ALPK3: variants seen among roughly 807,000 people sequenced by gnomAD.
ALPK3 encodes the protein alpha-protein kinase 3.
A neutral mutation model predicts 140.0 loss-of-function variants in ALPK3; 102 were observed. The ratio of observed to expected loss-of-function variants is 0.73; its 90% CI spans 0.62 to 0.86. The LOEUF is 0.86. Ranked by LOEUF, ALPK3 falls within the 40% of genes least tolerant of loss-of-function variation. ALPK3 has a pLI of 0.00. For synonymous variants in ALPK3, 938 were observed against 898.5 expected, an observed-to-expected ratio of 1.04 and a Z score of -0.79; for missense variants, 2,254 against 2,208.2, an observed-to-expected ratio of 1.02 and a Z score of -0.42.
chr15:84,855,334 A>G (rs914932356), intron 5 of ALPK3, among the ~76,000 whole-genome samples: 3 of 152,084 alleles, frequency 2.0e-5, no homozygotes, highest in African/African-American at 7.2e-5. Flanking sequence ...TTATTTCCCC[A>G]TATCACTTTG....
chr15:84,823,036 ACC>A (rs1306385727), intron 1 of ALPK3, among the ~76,000 whole-genome samples: 1 of 152,200 alleles, frequency 6.6e-6, no homozygotes, highest in Admixed American at 6.5e-5. Flanking sequence ...GGGGGCAGTG[ACC>A]CAAATGCCTG....
In ALPK3 at chr15:84,872,569, G is replaced by A. The variant is rs1284748823; in HGVS notation, c.*4113G>A. The stretch of plus-strand genomic sequence containing the variant: ...TTGCATGGAATTAGGCCTTAGTGGC[G>A]AGGGATTCGACATACAGTCATTTGT... On this transcript the variant is annotated 3_prime_UTR_variant, in exon 14 of 14. Transcript: ENST00000258888. 2.0e-5 allele frequency: 3 copies of A among 152,232 alleles called. No homozygotes were observed. The highest frequency in any genetic ancestry group is 6.5e-5 in the Admixed American group (1 of 15,282). The allele number at this position is 152,232 out of a possible 1,614,324, so 9.4% of individuals were successfully genotyped here.
rs117814540 is a variant in ALPK3 at position 84,835,326 on chromosome 15, C to T, written c.305-3654C>T. Among the ~76,000 whole-genome samples the T allele has an allele frequency of 2.7e-3, 408 of 152,270 alleles. 2 individuals carry two copies. The highest frequency in any genetic ancestry group is 0.024 in the Middle Eastern group (7 of 294). ...CTGCCCAGAGTTTGTTCCTGGCCGA[C>T]GCTGCTGCAGCCTCGCCTCCCCTGC... On this transcript the variant is annotated intron_variant, in intron 3 of 13. Coordinates refer to ENST00000258888, the MANE Select transcript of ALPK3 (RefSeq NM_020778.5).
Position 84,839,682 on chromosome 15 carries a change from C to A in ALPK3, c.423-20C>A. ...ACCTCCCAGGAGGGGAGAGGTGGCA[C>A]CTCCCGCTCCTACCTCTAGGTGTCG... On this transcript the variant is annotated intron_variant, in intron 4 of 13. Transcript: ENST00000258888. The A allele has an allele frequency of 6.4e-7, 1 of 1,556,778 alleles. No homozygotes were observed. The highest frequency in any genetic ancestry group is 1.3e-5 in the African/African-American group (1 of 74,106).
chr15:84,863,040 TCCTAGGAGGACC>T (rs1334164567), intron 10 of ALPK3, 125 bp downstream of exon 10: 1 of 1,309,240 alleles, frequency 7.6e-7, no homozygotes, highest in Non-Finnish European at 1.0e-6. Flanking sequence ...CTTATGAGGC[TCCTAGGAGGACC>T]TTGTGGAAAG....
chr15:84,845,722 TCC>T (rs1178632176), intron 5 of ALPK3, among the ~76,000 whole-genome samples: 1 of 152,160 alleles, frequency 6.6e-6, no homozygotes, highest in Non-Finnish European at 1.5e-5. Flanking sequence ...ATCATGTAAG[TCC>T]CACACTGGCC....
rs1251973740 is a variant in ALPK3 at position 84,870,877 on chromosome 15, C to T, written c.*2421C>T. On this transcript the variant is annotated 3_prime_UTR_variant, in exon 14 of 14. Transcript: ENST00000258888. ...CCTGAAGATGCTTCTAACACACGTG[C>T]TGTTCTCCCATCTCACGTATGACGA... is the stretch of plus-strand genomic sequence containing the variant. The T allele has an allele frequency of 2.0e-5, 3 of 152,194 alleles. No homozygotes were observed. The East Asian group carries it at 5.8e-4, about 29-fold the overall frequency. The allele number at this position is 152,194 out of a possible 1,614,324, so 9.4% of individuals were successfully genotyped here.
At chr15:84,829,967 TATATC>T (rs999489227) in intron 3 of ALPK3, among the ~76,000 whole-genome samples, 1 of 152,250 alleles carries the variant, frequency 6.6e-6, no homozygotes, top group African/African-American at 2.4e-5. Context: ...CTGCTTCAGT[TATATC>T]ATAATTTTTG....
Position 84,868,198 on chromosome 15 carries a change from G to A in ALPK3, c.4860G>A (p.Leu1620=), listed in dbSNP as rs529120834. The A allele has an allele frequency of 2.5e-6, 4 of 1,614,158 alleles. No individual in the cohort carries two copies. Among genetic ancestry groups the A allele is most frequent in the East Asian group, 2.2e-5 (1 of 44,884 alleles). Reference sequence around the variant, plus strand: ...AGTGCAATGCCTACTGTGAGCTGCTGGGGCTGACACCTCTCAAGGGCCCGG... The same window carrying A: ...AGTGCAATGCCTACTGTGAGCTGCTAGGGCTGACACCTCTCAAGGGCCCGG... ...SHQCNAYCEL[L]GLTPLKGPEA... is the part of the protein sequence containing the mutation. The change falls in exon 14 of 14, where the codon CTG becomes CTA. Residue 1620 remains leucine (L), a synonymous_variant. Coordinates refer to ENST00000258888, the MANE Select transcript of ALPK3 (RefSeq NM_020778.5).
intron 2 of ALPK3, among the ~76,000 whole-genome samples, chr15:84,825,132 T>C (rs1426918266): frequency 2.6e-5 from 4 of 152,168 alleles, no homozygotes; most frequent in Non-Finnish European, 4.4e-5. Flanking sequence ...GATATGTTCT[T>C]TTCCATTCAA....
intron 3 of ALPK3, among the ~76,000 whole-genome samples, chr15:84,835,160 G>T (rs147915936): frequency 1.1e-4 from 17 of 152,326 alleles, no homozygotes; most frequent in African/African-American, 4.1e-4. Context: ...GGGCAGGGAG[G>T]CTCTGAGCTG....
chr15:84,850,930 TTTAG>T (rs1284630283), intron 5 of ALPK3, among the ~76,000 whole-genome samples: 4 of 149,160 alleles, frequency 2.7e-5, no homozygotes, highest in Non-Finnish European at 4.5e-5. Flanking sequence ...TGTCATAATG[TTTAG>T]TTAGAGGGGT....
intron 3 of ALPK3, 135 bp from the exon 4 acceptor site, chr15:84,838,844 AC>A: frequency 3.1e-6 from 2 of 644,724 alleles, no homozygotes; most frequent in South Asian, 1.8e-5. Context: ...CTGGTCTTAA[AC>A]TCCTGACCTC....
At chr15:84,827,017 T>C (rs772806222) in intron 2 of ALPK3, among the ~76,000 whole-genome samples, 45 of 152,200 alleles carry the variant, frequency 3.0e-4, no homozygotes, top group Non-Finnish European at 5.7e-4. Context: ...CCTGTGCTCT[T>C]AGGACCCTTG....
chr15:84,827,417 G>T lies in ALPK3; in HGVS notation c.183-67G>T, dbSNP rs983669307. ...GGCATGGTAAGACGGAAGCTGCCTT[G>T]GACAGGCCAGGCTGTGCTGTTTGTT... On this transcript the variant is annotated intron_variant, in intron 2 of 13. Transcript: ENST00000258888. 3.9e-5 allele frequency: 63 copies of T among 1,601,454 alleles called. No homozygotes were observed. The Middle Eastern group carries it at 5.5e-4, about 14-fold the overall frequency.
intron 5 of ALPK3, among the ~76,000 whole-genome samples, chr15:84,852,122 T>G (rs554600018): frequency 6.6e-6 from 1 of 152,266 alleles, no homozygotes; most frequent in Admixed American, 6.5e-5. Context: ...AGTTTATAAA[T>G]TAGGCACCGT....
At chr15:84,822,429 A>T (rs1963437460) in intron 1 of ALPK3, among the ~76,000 whole-genome samples, 1 of 152,128 alleles carries the variant, frequency 6.6e-6, no homozygotes. Flanking sequence ...AGAGACATAG[A>T]CCGTGAGCAC....
chr15:84,826,447 A>C, intron 2 of ALPK3, among the ~76,000 whole-genome samples: 1 of 147,124 alleles, frequency 6.8e-6, no homozygotes, highest in African/African-American at 2.5e-5. Flanking sequence ...GCCGCTCACA[A>C]TGGGATGTGT....
At chr15:84,848,445 A>C (rs558006394) in intron 5 of ALPK3, among the ~76,000 whole-genome samples, 2 of 152,282 alleles carry the variant, frequency 1.3e-5, no homozygotes, top group South Asian at 2.1e-4. Flanking sequence ...CTAGAGCAAC[A>C]ACAGAAATAC....
Sources: allele counts gnomAD v4.1 joint callset (sites outside exome capture counted in the v4.1 genomes callset), GRCh38; gene constraint gnomAD v4.1.1; transcripts MANE v1.5; gene names NCBI Gene and HGNC (gene_info 2026-07-23, HGNC 2026-07-21).